Variants in KATNIP observed in about 807,000 individuals in gnomAD.
The protein encoded by KATNIP is katanin interacting protein.
A neutral mutation model predicts 174.0 loss-of-function variants in KATNIP; 126 were observed. The ratio of observed to expected loss-of-function variants is 0.72; its 90% CI spans 0.63 to 0.84. KATNIP has a LOEUF of 0.84. Ranked by LOEUF, KATNIP falls within the 40% of genes least tolerant of loss-of-function variation. The pLI is 0.00. For missense variants in KATNIP, 1,958 were observed against 2,109.7 expected, an observed-to-expected ratio of 0.93 and a Z score of 1.41; for synonymous variants, 810 against 835.7, an observed-to-expected ratio of 0.97 and a Z score of 0.53.
At chr16:27,553,640 C>T (rs1567428524) in intron 1 of KATNIP, among the ~76,000 whole-genome samples, 1 of 152,032 alleles carries the variant, frequency 6.6e-6, no homozygotes. Flanking sequence ...CATAGTGAGA[C>T]TCCATCTCTA....
At chr16:27,701,563 T>C in intron 10 of KATNIP, 26 bp from the exon 11 acceptor site, 1 of 1,543,392 alleles carries the variant, frequency 6.5e-7, no homozygotes, top group Non-Finnish European at 8.8e-7. Flanking sequence ...CTGAGACATC[T>C]GTTTAATAAG....
At chr16:27,591,959 C>A (rs1044605369) in intron 2 of KATNIP, among the ~76,000 whole-genome samples, 1 of 152,150 alleles carries the variant, frequency 6.6e-6, no homozygotes, top group Non-Finnish European at 1.5e-5. Flanking sequence ...AGAAACTGAT[C>A]TGAACCCAGA....
At chr16:27,593,802 C>T (rs955301545) in intron 2 of KATNIP, among the ~76,000 whole-genome samples, 3 of 152,208 alleles carry the variant, frequency 2.0e-5, no homozygotes, top group African/African-American at 7.2e-5. Flanking sequence ...TGAACCACGG[C>T]AGCTGGCCCA....
intron 15 of KATNIP, among the ~76,000 whole-genome samples, chr16:27,743,843 G>A (rs1324737985): frequency 6.6e-6 from 1 of 152,142 alleles, no homozygotes; most frequent in Non-Finnish European, 1.5e-5. Context: ...TATGGTCACA[G>A]CCATCATCAC....
chr16:27,628,360 TG>T (rs1357210629), intron 3 of KATNIP, among the ~76,000 whole-genome samples: 1 of 152,258 alleles, frequency 6.6e-6, no homozygotes, highest in African/African-American at 2.4e-5. Flanking sequence ...GCCTCCTCTC[TG>T]CCTTGGCCAG....
intron 14 of KATNIP, among the ~76,000 whole-genome samples, chr16:27,731,234 T>C (rs1201931265): frequency 3.3e-5 from 5 of 152,296 alleles, no homozygotes; most frequent in Middle Eastern, 3.4e-3. Context: ...GACCTCAGTA[T>C]GCATGGGGCT....
At chr16:27,742,934 G>A (rs1237851949) in intron 15 of KATNIP, among the ~76,000 whole-genome samples, 1 of 151,902 alleles carries the variant, frequency 6.6e-6, no homozygotes, top group Non-Finnish European at 1.5e-5. Context: ...ATGGTGATTT[G>A]CTGCACCTAT....
rs1567229840 is a variant in KATNIP at position 27,631,103 on chromosome 16, G to A, written c.349G>A (p.Ala117Thr). The A allele has an allele frequency of 5.7e-6, 9 of 1,577,720 alleles. No individual in the cohort carries two copies. Among genetic ancestry groups the A allele is most frequent in the Non-Finnish European group, 2.6e-6 (3 of 1,160,472 alleles). The change falls in exon 5 of 28, where the codon GCC becomes ACC. Residue 117 changes from alanine (A) to threonine (T), a missense_variant. This residue lies in a region of KATNIP where 1,557 missense variants were observed against 1,617.8 expected (regional missense o/e 0.96). Transcript: ENST00000261588. ...RRTLFREAEE[A>T]LRRSSRTAPS... ...AACTCTGTTTCGAGAAGCTGAAGAA[G>A]CCTTAAGACGCAGTTCACGGACAGC...
intron 13 of KATNIP, among the ~76,000 whole-genome samples, chr16:27,717,077 C>T (rs1392590223): frequency 6.6e-6 from 1 of 152,068 alleles, no homozygotes; most frequent in Non-Finnish European, 1.5e-5. Flanking sequence ...CTCCTGACCT[C>T]GTGATCCGCC....
intron 1 of KATNIP, among the ~76,000 whole-genome samples, chr16:27,573,424 T>G (rs1410987750): frequency 6.6e-6 from 1 of 152,254 alleles, no homozygotes; most frequent in Non-Finnish European, 1.5e-5. Context: ...GCCTATTATA[T>G]GAAATGCAGG....
At chr16:27,553,900 G>A (rs1316055285) in intron 1 of KATNIP, among the ~76,000 whole-genome samples, 2 of 151,532 alleles carry the variant, frequency 1.3e-5, no homozygotes, top group East Asian at 3.9e-4. Flanking sequence ...GCTACAGTGA[G>A]CCATGACTGT....
rs115588160 is a variant in KATNIP at position 27,757,332 on chromosome 16, C to G, written c.3631+3081C>G. Among the ~76,000 whole-genome samples the G allele has an allele frequency of 4.4e-3, 668 of 152,300 alleles. 8 individuals are homozygous for G. The highest frequency in any genetic ancestry group is 0.015 in the African/African-American group (632 of 41,554). ...GGTGGGAGATGGAAAACAGATTGGC[C>G]AGGCCTGGAGCCCAGAGAAAGGGGT... On this transcript the variant is annotated intron_variant, in intron 18 of 27. Coordinates refer to ENST00000261588, the MANE Select transcript of KATNIP (RefSeq NM_015202.5).
At chr16:27,758,359 A>C (rs1302132317) in intron 18 of KATNIP, among the ~76,000 whole-genome samples, 1 of 152,088 alleles carries the variant, frequency 6.6e-6, no homozygotes, top group East Asian at 1.9e-4. Context: ...CTATCTCTGA[A>C]ACAGATCCTG....
intron 1 of KATNIP, among the ~76,000 whole-genome samples, chr16:27,564,324 C>A (rs2090004439): frequency 6.6e-6 from 1 of 152,104 alleles, no homozygotes; most frequent in South Asian, 2.1e-4. Flanking sequence ...ATAGGACTCC[C>A]AAATGGGTAA....
chr16:27,743,762 C>T (rs201960725), intron 15 of KATNIP, among the ~76,000 whole-genome samples: 7 of 152,160 alleles, frequency 4.6e-5, no homozygotes, highest in African/African-American at 7.2e-5. Flanking sequence ...AGGGTTAAAG[C>T]AGGACTGGAA....
intron 2 of KATNIP, among the ~76,000 whole-genome samples, chr16:27,580,177 G>A (rs2090643917): frequency 6.6e-6 from 1 of 152,076 alleles, no homozygotes; most frequent in Admixed American, 6.6e-5. Context: ...CAGTGGCGCT[G>A]TATCAGCTTA....
At chr16:27,698,059 T>G (rs1308582406) in intron 8 of KATNIP, among the ~76,000 whole-genome samples, 1 of 152,196 alleles carries the variant, frequency 6.6e-6, no homozygotes, top group Non-Finnish European at 1.5e-5. Flanking sequence ...TAGACTGTAT[T>G]TGAATTTTCC....
chr16:27,681,377 T>G, intron 7 of KATNIP, 22 bp from the exon 8 acceptor site: 1 of 1,613,976 alleles, frequency 6.2e-7, no homozygotes, highest in South Asian at 1.1e-5. Context: ...GCGTCTTACA[T>G]GAAACAATTG....
At chr16:27,770,429 C>T (rs2082259221) in intron 21 of KATNIP, among the ~76,000 whole-genome samples, 1 of 152,182 alleles carries the variant, frequency 6.6e-6, no homozygotes, top group Non-Finnish European at 1.5e-5. Flanking sequence ...ATTTCTCGGC[C>T]CCAGTCTCAG....
Sources: allele counts gnomAD v4.1 joint callset (sites outside exome capture counted in the v4.1 genomes callset), GRCh38; gene constraint gnomAD v4.1.1; regional missense constraint gnomAD v4.1.1; transcripts MANE v1.5; gene names NCBI Gene and HGNC (gene_info 2026-07-23, HGNC 2026-07-21).